TCERG1L: variants seen among roughly 807,000 people sequenced by gnomAD.
TCERG1L encodes the protein transcription elongation regulator 1-like protein.
In TCERG1L, 37 loss-of-function variants were observed where a neutral mutation model predicts 56.3. The ratio of observed to expected loss-of-function variants is 0.66; its 90% CI spans 0.51 to 0.87. The LOEUF (loss-of-function observed/expected upper bound fraction) is 0.87, where lower values mean the gene tolerates loss of function less well. Among genes scored for constraint, TCERG1L ranks in the 40% least tolerant of loss-of-function variants. The pLI, the probability that TCERG1L is intolerant of heterozygous loss-of-function variation, is 0.00. For missense variants in TCERG1L, 799 were observed against 774.2 expected (o/e 1.03, Z -0.38); for synonymous variants, 324 against 326.3 (o/e 0.99, Z 0.08).
intron 6 of TCERG1L, among the ~76,000 whole-genome samples, chr10:131,147,080 G>C (rs975074496): frequency 1.3e-5 from 2 of 152,128 alleles, no homozygotes; most frequent in African/African-American, 4.8e-5. Flanking sequence ...TTCCCCAGTT[G>C]AGCTCTGCAT....
chr10:131,143,005 G>C (rs1845755292), intron 7 of TCERG1L, among the ~76,000 whole-genome samples: 1 of 152,154 alleles, frequency 6.6e-6, no homozygotes, highest in Admixed American at 6.5e-5. Flanking sequence ...AGAGAGGCAA[G>C]ATGGACGAGG....
intron 11 of TCERG1L, among the ~76,000 whole-genome samples, chr10:131,093,680 C>T (rs1419625024): frequency 6.6e-6 from 1 of 152,234 alleles, no homozygotes; most frequent in African/African-American, 2.4e-5. Flanking sequence ...CCACCAGGCT[C>T]TGCCTGCCAC....
At chr10:131,162,585 C>T (rs566884899) in intron 6 of TCERG1L, 1 of 152,390 alleles carries the variant, frequency 6.6e-6, no homozygotes, top group East Asian at 1.9e-4. Flanking sequence ...CATCTTCAGG[C>T]TTGAAACTTA....
At chr10:131,256,979 AG>A (rs1189886060) in intron 4 of TCERG1L, among the ~76,000 whole-genome samples, 2 of 80,594 alleles carry the variant, frequency 2.5e-5, no homozygotes, top group Non-Finnish European at 2.9e-5. Context: ...GAAGGAAGGA[AG>A]GAAGGAAGGA....
At chr10:131,149,575 T>G (rs571466316) in intron 6 of TCERG1L, among the ~76,000 whole-genome samples, 11 of 152,284 alleles carry the variant, frequency 7.2e-5, no homozygotes, top group African/African-American at 2.6e-4. Flanking sequence ...AAGCCCAGGG[T>G]AGAGACTGAC....
intron 8 of TCERG1L, among the ~76,000 whole-genome samples, chr10:131,124,330 C>G (rs1035929441): frequency 2.0e-5 from 3 of 152,156 alleles, no homozygotes. Flanking sequence ...GGTCTCTAGC[C>G]TTCCTCTCAT....
chr10:131,307,386 G>A (rs960786537), intron 3 of TCERG1L, among the ~76,000 whole-genome samples: 1 of 152,146 alleles, frequency 6.6e-6, no homozygotes, highest in South Asian at 2.1e-4. Flanking sequence ...AATCAGCACT[G>A]CATTATTCAC....
At chr10:131,172,887 GA>G (rs1278407771) in intron 4 of TCERG1L, among the ~76,000 whole-genome samples, 20 of 118,762 alleles carry the variant, frequency 1.7e-4, no homozygotes, top group Admixed American at 1.6e-3. Flanking sequence ...AATAATCAAT[GA>G]TTTTTTTTTT....
intron 4 of TCERG1L, among the ~76,000 whole-genome samples, chr10:131,251,173 C>A (rs1384336378): frequency 6.6e-6 from 1 of 152,180 alleles, no homozygotes; most frequent in African/African-American, 2.4e-5. Flanking sequence ...AGATTCCACA[C>A]TGCCACCTCT....
chr10:131,302,086 T>C (rs1445948981), intron 3 of TCERG1L, among the ~76,000 whole-genome samples: 1 of 152,092 alleles, frequency 6.6e-6, no homozygotes, highest in African/African-American at 2.4e-5. Context: ...ATCTTTTCCA[T>C]ACTAATGCAT....
intron 3 of TCERG1L, among the ~76,000 whole-genome samples, chr10:131,279,251 C>T (rs368978428): frequency 1.3e-5 from 2 of 151,908 alleles, no homozygotes; most frequent in African/African-American, 2.4e-5. Flanking sequence ...GTTGACTTTA[C>T]GAAGGGACAG....
At chr10:131,266,248 A>C (rs1846284610) in intron 3 of TCERG1L, among the ~76,000 whole-genome samples, 1 of 152,230 alleles carries the variant, frequency 6.6e-6, no homozygotes, top group Non-Finnish European at 1.5e-5. Context: ...TGTTTCCACC[A>C]CATCAGCAGT....
rs111834053 is a variant in TCERG1L, at chr10:131,137,146, C to CAACAAACA, written c.1190-2706_1190-2699dup. 2.9e-4 allele frequency among the ~76,000 whole-genome samples: 44 copies of CAACAAACA among 151,138 alleles called. No homozygotes were observed. The South Asian group carries it at 8.4e-3, about 29-fold the overall frequency. The stretch of plus-strand genomic sequence containing the variant: ...AAGATCAAAACTCTGTCTCAAAAAA[C>CAACAAACA]AACAAACAAACAAACAAACAAAAAA... On this transcript the variant is annotated intron_variant, in intron 7 of 11. Coordinates refer to ENST00000368642, the MANE Select transcript of TCERG1L (RefSeq NM_174937.4).
chr10:131,307,343 G>T (rs577570050), intron 3 of TCERG1L, among the ~76,000 whole-genome samples: 80 of 152,238 alleles, frequency 5.3e-4, no homozygotes, highest in Middle Eastern at 3.4e-3. Context: ...TAAATGTGTA[G>T]GCAAACAGAG....
intron 4 of TCERG1L, among the ~76,000 whole-genome samples, chr10:131,202,672 G>A (rs973925590): frequency 2.0e-5 from 3 of 152,148 alleles, no homozygotes; most frequent in Admixed American, 6.5e-5. Context: ...TAACGTAGCG[G>A]AATTCAAGTC....
chr10:131,306,580 G>A (rs7074255), intron 3 of TCERG1L, among the ~76,000 whole-genome samples: 3 of 151,990 alleles, frequency 2.0e-5, no homozygotes, highest in African/African-American at 7.2e-5. Context: ...TCCATGATGT[G>A]CTTATTTCAC....
intron 4 of TCERG1L, among the ~76,000 whole-genome samples, chr10:131,206,666 C>A (rs915144191): frequency 4.6e-5 from 7 of 152,132 alleles, no homozygotes; most frequent in African/African-American, 1.4e-4. Flanking sequence ...ACAAGAGCAT[C>A]GTGAGGGGTG....
chr10:131,098,182 C>T (rs1284905373), intron 11 of TCERG1L, 124 bp downstream of exon 11: 10 of 1,057,292 alleles, frequency 9.5e-6, no homozygotes, highest in East Asian at 2.6e-5. Context: ...GTCTTCAAAG[C>T]TCACACTTTC....
At chr10:131,208,488 A>G (rs1845573085) in intron 4 of TCERG1L, among the ~76,000 whole-genome samples, 1 of 152,192 alleles carries the variant, frequency 6.6e-6, no homozygotes, top group African/African-American at 2.4e-5. Context: ...CCACGTCCTC[A>G]GCATCCCCTT....
Sources: allele counts gnomAD v4.1 joint callset (sites outside exome capture counted in the v4.1 genomes callset), GRCh38; gene constraint gnomAD v4.1.1; transcripts MANE v1.5; gene names NCBI Gene and HGNC (gene_info 2026-07-23, HGNC 2026-07-21).